Variants in CIST1 observed in about 807,000 individuals in gnomAD.
CIST1 encodes the protein colon, intestine and stomach enriched 1.
At chr19:18,255,150 G>T in the CIST1 span, 1 of 397,966 alleles carries the variant, frequency 2.5e-6, no homozygotes, top group South Asian at 1.3e-4. This position sits in a 1 kb window ranked among gnomAD's most constrained non-coding sequence, Gnocchi z 4.6. Context: ...CCAGGTGTGT[G>T]ACTGGGCTGT....
chr19:18,253,339 C>T, the CIST1 span, among the ~76,000 whole-genome samples: 1 of 152,002 alleles, frequency 6.6e-6, no homozygotes, highest in Non-Finnish European at 1.5e-5. Context: ...GCCATGATTG[C>T]GCCACTGCAC....
the CIST1 span, among the ~76,000 whole-genome samples, chr19:18,251,433 T>TTTTA: frequency 6.8e-6 from 1 of 146,846 alleles, no homozygotes; most frequent in East Asian, 2.1e-4. Flanking sequence ...GCCATTTTTA[T>TTTTA]TTTATTTATT....
chr19:18,253,562 A>AC, the CIST1 span, among the ~76,000 whole-genome samples: 182 of 57,558 alleles, frequency 3.2e-3, 1 homozygote, highest in African/African-American at 0.011. Flanking sequence ...AAAAAAAAAA[A>AC]AACACACACA....
chr19:18,254,885 G>A, the CIST1 span, among the ~76,000 whole-genome samples: 1 of 152,220 alleles, frequency 6.6e-6, no homozygotes, highest in South Asian at 2.1e-4. Context: ...CCATGGCCCT[G>A]AGGTCTTCAC....
chr19:18,250,023 C>T, the CIST1 span: 1 of 398,282 alleles, frequency 2.5e-6, no homozygotes, highest in South Asian at 1.3e-4. Context: ...CTCGTGTTTT[C>T]ACACGAGGCC....
chr19:18,254,161 G>A, the CIST1 span, among the ~76,000 whole-genome samples: 1 of 152,228 alleles, frequency 6.6e-6, no homozygotes, highest in Admixed American at 6.5e-5. Flanking sequence ...GAGGCTCAGA[G>A]TAGCAGAGGG....
the CIST1 span, chr19:18,255,383 C>T: frequency 2.5e-6 from 1 of 396,486 alleles, no homozygotes. The surrounding 1 kb of genome is among the most constrained non-coding windows in gnomAD (Gnocchi z 4.6). Context: ...CAGCTCCTTG[C>T]ACCTGCGTGT....
At chr19:18,250,194 C>A in the CIST1 span, 8 of 398,822 alleles carry the variant, frequency 2.0e-5, no homozygotes, top group South Asian at 1.0e-3. Flanking sequence ...AAGGAACACA[C>A]AGGGAGGCAT....
At chr19:18,250,527 C>T in the CIST1 span, 1 of 391,764 alleles carries the variant, frequency 2.6e-6, no homozygotes, top group Non-Finnish European at 4.4e-6. Flanking sequence ...AAGCCTAAGA[C>T]ACCCACCAGG....
At chr19:18,250,088 C>T in the CIST1 span, 1 of 398,632 alleles carries the variant, frequency 2.5e-6, no homozygotes, top group African/African-American at 2.1e-5. Context: ...CCCAGGAACC[C>T]CAGCCCCATC....
At chr19:18,254,753 T>G in the CIST1 span, among the ~76,000 whole-genome samples, 18 of 152,180 alleles carry the variant, frequency 1.2e-4, no homozygotes, top group African/African-American at 3.6e-4. Context: ...GCTCCTCCCC[T>G]CCACCCTAGG....
the CIST1 span, among the ~76,000 whole-genome samples, chr19:18,254,368 T>G: frequency 1.3e-5 from 2 of 152,228 alleles, no homozygotes. Context: ...CAAGCCCTGT[T>G]GAGTGCCTGG....
the CIST1 span, chr19:18,252,066 G>A: frequency 1.3e-5 from 5 of 398,738 alleles, no homozygotes; most frequent in Middle Eastern, 6.2e-4. Flanking sequence ...ATACTCACCT[G>A]GGCCAGGGGG....
At chr19:18,254,207 C>T in the CIST1 span, among the ~76,000 whole-genome samples, 128 of 152,296 alleles carry the variant, frequency 8.4e-4, no homozygotes, top group African/African-American at 3.0e-3. Flanking sequence ...GGGAAGAACG[C>T]CCCTCAAGGA....
chr19:18,253,550 C>CAA, the CIST1 span, among the ~76,000 whole-genome samples: 32 of 123,766 alleles, frequency 2.6e-4, no homozygotes, highest in South Asian at 1.2e-3. Context: ...GACTCCGTCT[C>CAA]AAAAAAAAAA....
chr19:18,250,353 G>A, the CIST1 span: 131 of 399,076 alleles, frequency 3.3e-4, no homozygotes, highest in Non-Finnish European at 5.2e-4. Flanking sequence ...GACTCATTCC[G>A]GTGACAGAAT....
At chr19:18,254,358 C>T in the CIST1 span, among the ~76,000 whole-genome samples, 49 of 152,318 alleles carry the variant, frequency 3.2e-4, no homozygotes, top group Middle Eastern at 3.4e-3. Flanking sequence ...TTGGAGGACA[C>T]AAGCCCTGTT....
the CIST1 span, chr19:18,250,393 C>A: frequency 2.5e-6 from 1 of 399,108 alleles, no homozygotes. Flanking sequence ...ACCCGATGAG[C>A]AAAAGAGACA....
the CIST1 span, among the ~76,000 whole-genome samples, chr19:18,253,332 A>G: frequency 2.3e-4 from 35 of 152,222 alleles, 1 homozygote; most frequent in African/African-American, 7.2e-4. Context: ...GTAGTGCGCC[A>G]TGATTGCGCC....
Sources: allele counts gnomAD v4.1 joint callset (sites outside exome capture counted in the v4.1 genomes callset), GRCh38; gene constraint gnomAD v4.1.1; non-coding constraint Gnocchi (gnomAD v3.1); transcripts MANE v1.5; gene names NCBI Gene and HGNC (gene_info 2026-07-23, HGNC 2026-07-21).